ZNF324: variants seen among roughly 807,000 people sequenced by gnomAD.
ZNF324 encodes the protein zinc finger protein 324A.
ZNF324 carries 3 observed loss-of-function variants against 10.3 expected under a neutral mutation model. The ratio of observed to expected loss-of-function variants is 0.29; its 90% confidence interval spans 0.13 to 0.75. ZNF324 has a LOEUF of 0.75. Among genes scored for constraint, ZNF324 ranks in the 30% least tolerant of loss-of-function variants. The probability of loss-of-function intolerance (pLI) is 0.69; values close to 1 mark genes in which losing one functional copy is unlikely to be tolerated. For missense variants in ZNF324, 763 were observed against 784.4 expected, an observed-to-expected ratio of 0.97 and a Z score of 0.33; for synonymous variants, 430 against 339.5, an observed-to-expected ratio of 1.27 and a Z score of -2.93.
At chr19:58,469,057 T>C (rs2053005258) in intron 1 of ZNF324, 123 bp from the exon 2 acceptor site, 1 of 1,135,274 alleles carries the variant, frequency 8.8e-7, no homozygotes, top group Non-Finnish European at 1.3e-6. Context: ...TCAGCTGTTA[T>C]TAGTGTTAAT....
chr19:58,470,397 G>A, intron 3 of ZNF324: 1 of 434,850 alleles, frequency 2.3e-6, no homozygotes, highest in South Asian at 2.1e-5. Flanking sequence ...CAGGGGCGGG[G>A]GGAAGGGGGT....
intron 1 of ZNF324, among the ~76,000 whole-genome samples, chr19:58,468,901 G>A (rs1291550022): frequency 6.6e-6 from 1 of 152,162 alleles, no homozygotes; most frequent in African/African-American, 2.4e-5. Context: ...TGTTGGGATG[G>A]GGAGCTTGGT....
chr19:58,471,350 G>C lies in ZNF324; in HGVS notation c.858G>C (p.Glu286Asp), dbSNP rs559130372. The stretch of plus-strand genomic sequence containing the variant: ...CCCACACCGGGGAGCGGCCCTACGA[G>C]TGCGCCCAGTGCGGCAAGGCCTTCA... ...LRTHTGERPY[E>D]CAQCGKAFSQ... is the part of the protein sequence containing the mutation. The change falls in exon 4 of 4, where the codon GAG (glutamate) becomes GAC (aspartate). Residue 286 changes from glutamate (E) to aspartate (D), a missense_variant. This residue lies in a region of ZNF324 where 153 missense variants were observed against 269.0 expected (regional missense o/e 0.57). Transcript: ENST00000196482. 1.2e-6 allele frequency: 2 copies of C among 1,614,012 alleles called. No individual in the cohort carries two copies. The highest frequency in any genetic ancestry group is 2.2e-5 in the South Asian group (2 of 91,082).
chr19:58,469,246 G>A lies in ZNF324; in HGVS notation c.61G>A (p.Ala21Thr). Residue 21 changes from alanine (A) to threonine (T), a missense_variant, in exon 2 of 4, where the codon GCC becomes ACC. Around this residue, in one of 3 missense-constraint regions of ZNF324, gnomAD observed 379 missense variants for 319.4 expected, o/e 1.19. Transcript: ENST00000196482. ...GGAGGAGTGGGGGCTCCTGGACACA[G>A]CCCAGAGGGCCCTGTACCGCCGCGT... ...SQEEWGLLDT[A>T]QRALYRRVML... is the part of the protein sequence containing the mutation. 1 of 1,614,180 alleles carries A rather than the reference G, an allele frequency of 6.2e-7. No individual in the cohort carries two copies. The highest frequency in any genetic ancestry group is 8.5e-7 in the Non-Finnish European group (1 of 1,180,020).
Position 58,471,303 on chromosome 19 carries a change from G to A in ZNF324, c.811G>A (p.Asp271Asn). ...ACSKVFVKSS[D>N]LLKHLRTHTG... ...CAGCAAAGTGTTCGTGAAGAGCTCC[G>A]ACCTCCTCAAGCACCTACGCACCCA... The change falls in exon 4 of 4, where the codon GAC becomes AAC. Residue 271 changes from aspartate (D) to asparagine (N), a missense_variant. This residue lies in a region of ZNF324 where 153 missense variants were observed against 269.0 expected (regional missense o/e 0.57). Coordinates refer to ENST00000196482, the MANE Select transcript of ZNF324 (RefSeq NM_014347.3). 1 of 1,613,900 alleles carries A rather than the reference G, an allele frequency of 6.2e-7. No individual in the cohort carries two copies. Among genetic ancestry groups the A allele is most frequent in the South Asian group, 1.1e-5 (1 of 91,090 alleles).
rs775102266 is a variant in ZNF324 at position 58,471,172 on chromosome 19, T to C, written c.680T>C (p.Val227Ala). 7.4e-6 allele frequency: 12 copies of C among 1,613,546 alleles called. No individual in the cohort carries two copies. The highest frequency in any genetic ancestry group is 5.5e-5 in the South Asian group (5 of 91,070). ...GGRGHHRMGAVWQEPHRLLGG... is the reference protein window; with the variant it reads ...GGRGHHRMGAAWQEPHRLLGG... ...CGGGGACATCACCGAATGGGTGCAG[T>C]TTGGCAGGAGCCTCATAGACTCCTC... Residue 227 changes from valine (V) to alanine (A), a missense_variant, in exon 4 of 4, where the codon GTT becomes GCT. Coordinates refer to ENST00000196482, the MANE Select transcript of ZNF324 (RefSeq NM_014347.3).
Position 58,472,042 on chromosome 19 carries a change from AC to A in ZNF324, c.1555del (p.Gln519ArgfsTer46). ...KTVRRSRASL[H>X]PQARSVAGAS... ...GTCCGGCGATCCAGGGCCAGCCTGCACCCCCAGGCCAGGTCTGTTGCCGGGG... is the reference window on the plus strand; with the variant it reads ...GTCCGGCGATCCAGGGCCAGCCTGCACCCCAGGCCAGGTCTGTTGCCGGGG... On this transcript the variant is annotated frameshift_variant, in exon 4 of 4. Coordinates refer to ENST00000196482, the MANE Select transcript of ZNF324 (RefSeq NM_014347.3). LOFTEE classifies it low-confidence loss of function (END_TRUNC). 1 of 1,606,318 alleles carries A rather than the reference AC, an allele frequency of 6.2e-7. No individual in the cohort carries two copies. Among genetic ancestry groups the A allele is most frequent in the Non-Finnish European group, 8.5e-7 (1 of 1,179,484 alleles).
At chr19:58,470,048 A>G (rs1338581130) in intron 3 of ZNF324, among the ~76,000 whole-genome samples, 2 of 151,594 alleles carry the variant, frequency 1.3e-5, no homozygotes, top group African/African-American at 4.8e-5. Flanking sequence ...GGGTTGACAC[A>G]GAAGGGCACT....
At chr19:58,469,658 C>T (rs2053010270) in intron 2 of ZNF324, 70 bp from the exon 3 acceptor site, 1 of 1,297,766 alleles carries the variant, frequency 7.7e-7, no homozygotes. Context: ...AGCCCTGACT[C>T]CTGCCCTCTG....
At position 58,471,678 on chromosome 19, in the gene ZNF324, C is replaced by T; in HGVS notation, c.1186C>T (p.Pro396Ser). 6.2e-7 allele frequency: 1 copy of T among 1,612,848 alleles called. No individual in the cohort carries two copies. Among genetic ancestry groups the T allele is most frequent in the East Asian group, 2.2e-5 (1 of 44,864 alleles). ...CGAGCGTACGCACACAGGCGAGAAG[C>T]CCTTCGTGTGCGCGCTCTGCGGTGC... ...QHERTHTGEK[P>S]FVCALCGAAF... The change falls in exon 4 of 4, where the codon CCC becomes TCC. Residue 396 changes from proline to serine, a missense_variant. Coordinates refer to ENST00000196482, the MANE Select transcript of ZNF324 (RefSeq NM_014347.3).
At position 58,469,817 on chromosome 19, in the gene ZNF324, A is replaced by G. The variant is rs144108577; in HGVS notation, c.211A>G (p.Arg71Gly). ...CAGTGGAACGGACACAACCCTGTCC[A>G]GGACCACCTACAGGAGGCGCAACCC... The part of the protein sequence containing the change: ...VPSGTDTTLS[R>G]TTYRRRNPGS... The change falls in exon 3 of 4, where the codon AGG becomes GGG. Residue 71 changes from arginine (R) to glycine (G), a missense_variant. Around this residue, in one of 3 missense-constraint regions of ZNF324, gnomAD observed 379 missense variants for 319.4 expected, o/e 1.19. Coordinates refer to ENST00000196482, the MANE Select transcript of ZNF324 (RefSeq NM_014347.3). 5.1e-3 allele frequency: 8,182 copies of G among 1,601,202 alleles called. 38 individuals carry two copies. Among genetic ancestry groups the G allele is most frequent in the Non-Finnish European group, 6.3e-3 (7,370 of 1,173,966 alleles).
intron 2 of ZNF324, 108 bp from the exon 3 acceptor site, chr19:58,469,620 G>T (rs2053010027): frequency 2.1e-6 from 2 of 932,982 alleles, no homozygotes; most frequent in East Asian, 5.3e-5. Context: ...TTCTGCAGTT[G>T]CACAGATGAC....
chr19:58,468,338 G>T (rs1347212125), intron 1 of ZNF324, among the ~76,000 whole-genome samples: 1 of 152,066 alleles, frequency 6.6e-6, no homozygotes. Flanking sequence ...TGGGGCTATT[G>T]GGAAGAGCCT....
At position 58,471,743 on chromosome 19, in the gene ZNF324, C is replaced by T. The variant is rs771069585; in HGVS notation, c.1251C>T (p.Arg417=). ...GCTCCTCGCTCTTTAAGCACCAGCG[C>T]GTGCACACAGGCGAGAAGCCCTTCG... ...SQGSSLFKHQ[R]VHTGEKPFAC... Residue 417 remains arginine, a synonymous_variant, in exon 4 of 4, where the codon CGC becomes CGT. Transcript: ENST00000196482. 9 of 1,612,600 alleles carry T rather than the reference C, an allele frequency of 5.6e-6. No individual in the cohort carries two copies. The highest frequency in any genetic ancestry group is 2.2e-5 in the East Asian group (1 of 44,870).
In ZNF324 at chr19:58,471,776, A is replaced by C. The variant is rs754495817; in HGVS notation, c.1284A>C (p.Pro428=). The C allele has an allele frequency of 9.3e-6, 15 of 1,612,338 alleles. No individual in the cohort carries two copies. Among genetic ancestry groups the C allele is most frequent in the African/African-American group, 2.7e-5 (2 of 74,734 alleles). ...VHTGEKPFAC[P]QCGRAFSHSS... is the part of the protein sequence containing the mutation. ...CAGGCGAGAAGCCCTTCGCCTGCCC[A>C]CAGTGCGGCCGCGCCTTTAGCCACA... Residue 428 remains proline, a synonymous_variant, in exon 4 of 4, where the codon CCA becomes CCC. Transcript: ENST00000196482.
At chr19:58,470,661 G>T (rs765891444) in intron 3 of ZNF324, 70 bp from the exon 4 acceptor site, 1 of 1,599,002 alleles carries the variant, frequency 6.3e-7, no homozygotes, top group South Asian at 1.1e-5. Flanking sequence ...CTTCTTGCCT[G>T]TCCACTCAGC....
chr19:58,469,409 G>C (rs1355231551), intron 2 of ZNF324, 103 bp downstream of exon 2: 27 of 1,460,242 alleles, frequency 1.8e-5, no homozygotes, highest in Non-Finnish European at 2.2e-5. Context: ...CCTATACCTT[G>C]CAGCCAGGAG....
rs1450859468 is a variant in ZNF324, at chr19:58,472,263, A to G, written c.*109A>G. On this transcript the variant is annotated 3_prime_UTR_variant, in exon 4 of 4. Coordinates refer to ENST00000196482, the MANE Select transcript of ZNF324 (RefSeq NM_014347.3). ...AAAGTCCCGTGCTTGCTAGTCAGGG[A>G]CAAGGGAGGCCCTTTGGCTGTGATT... The G allele has an allele frequency of 3.3e-6, 4 of 1,211,788 alleles. No homozygotes were observed. Among genetic ancestry groups the G allele is most frequent in the African/African-American group, 1.5e-5 (1 of 65,356 alleles). 75.1% of individuals were successfully genotyped at this position (1,211,788 alleles called of 1,614,324 possible). A position where few individuals can be genotyped will look rare whatever the true frequency, so the allele number is the denominator to read the frequency against.
In ZNF324 at chr19:58,472,337, C is replaced by T; in HGVS notation, c.*183C>T. 4.7e-6 allele frequency: 3 copies of T among 639,446 alleles called. No individual in the cohort carries two copies. In the South Asian group the frequency reaches 6.6e-5, roughly 14 times the overall value. 39.6% of individuals were successfully genotyped at this position (639,446 alleles called of 1,614,324 possible). On this transcript the variant is annotated 3_prime_UTR_variant, in exon 4 of 4. Coordinates refer to ENST00000196482, the MANE Select transcript of ZNF324 (RefSeq NM_014347.3). ...TTGCCAGTTCACCCACAGATCACAC[C>T]TCCATCCCCAAAGAGGTAGCACTGC...
Sources: gnomAD v4.1 joint callset for allele counts (sites outside exome capture counted in the v4.1 genomes callset) on GRCh38, gnomAD v4.1.1 for gene constraint, gnomAD v4.1.1 regional missense constraint, MANE v1.5 for transcripts, NCBI Gene and HGNC (gene_info 2026-07-23, HGNC 2026-07-21) for gene names.